RC3H1: variants seen among roughly 807,000 people sequenced by gnomAD.
RC3H1 encodes ring finger and CCCH-type domains 1, also known as roquin-1.
A neutral mutation model predicts 138.2 loss-of-function variants in RC3H1; 50 were observed. The ratio of observed to expected loss-of-function variants is 0.36; its 90% CI spans 0.29 to 0.46. The LOEUF (loss-of-function observed/expected upper bound fraction) is 0.46, where lower values mean the gene tolerates loss of function less well. Ranked by LOEUF, RC3H1 falls within the 20% of genes least tolerant of loss-of-function variation. The probability of loss-of-function intolerance (pLI) is 1.00; values close to 1 mark genes in which losing one functional copy is unlikely to be tolerated. For synonymous variants in RC3H1, 462 were observed against 489.1 expected, an observed-to-expected ratio of 0.94 and a Z score of 0.73; for missense variants, 1,031 against 1,388.1, an observed-to-expected ratio of 0.74 and a Z score of 4.09.
At chr1:173,970,479 C>T (rs1263641146) in intron 9 of RC3H1, 26 bp downstream of exon 9, 23 of 1,477,972 alleles carry the variant, frequency 1.6e-5, no homozygotes, top group Non-Finnish European at 2.2e-5. Flanking sequence ...CACCTTATTC[C>T]AAAGTCTCCT....
chr1:173,993,107 T>TA lies in RC3H1; in HGVS notation c.-123dup. 1.4e-6 allele frequency: 1 copy of TA among 690,486 alleles called. No individual in the cohort carries two copies. The highest frequency in any genetic ancestry group is 2.5e-6 in the Non-Finnish European group (1 of 406,428). 42.8% of individuals were successfully genotyped at this position (690,486 alleles called of 1,614,324 possible). ...TTTTTTTTTAAATATCTTCTGTAGATACAGTCAGCACATAGTGTGAAATAT... is the reference window on the plus strand; with the variant it reads ...TTTTTTTTTAAATATCTTCTGTAGATAACAGTCAGCACATAGTGTGAAATAT... On this transcript the variant is annotated 5_prime_UTR_variant, in exon 2 of 20. Coordinates refer to ENST00000367696, the MANE Select transcript of RC3H1 (RefSeq NM_172071.4).
chr1:173,936,746 TA>T lies in RC3H1; in HGVS notation c.*1974del, dbSNP rs1557913431. The T allele has an allele frequency of 2.5e-4, 12 of 48,796 alleles. No individual in the cohort carries two copies. Among genetic ancestry groups the T allele is most frequent in the African/African-American group, 5.2e-4 (2 of 3,830 alleles). The allele number at this position is 48,796 out of a possible 1,614,324, so 3.0% of individuals were successfully genotyped here. On this transcript the variant is annotated 3_prime_UTR_variant, in exon 20 of 20. Coordinates refer to ENST00000367696, the MANE Select transcript of RC3H1 (RefSeq NM_172071.4). ...AAAAGCATACATATATATATATATA[TA>T]TATATATATATATATTTTTTTTTTT... is the stretch of plus-strand genomic sequence containing the variant.
intron 1 of RC3H1, among the ~76,000 whole-genome samples, chr1:174,021,426 C>G (rs1467607119): frequency 6.6e-6 from 1 of 151,904 alleles, no homozygotes; most frequent in Non-Finnish European, 1.5e-5. Flanking sequence ...GAGGCGCATC[C>G]CTTACCACTC....
chr1:173,946,861 T>C (rs1235269418), intron 15 of RC3H1, 25 bp from the exon 16 acceptor site: 1 of 1,433,286 alleles, frequency 7.0e-7, no homozygotes, highest in Non-Finnish European at 9.8e-7. Context: ...TTTATTATGG[T>C]ATAATTCACA....
chr1:173,996,199 A>G (rs1226842059), intron 1 of RC3H1, among the ~76,000 whole-genome samples: 1 of 152,172 alleles, frequency 6.6e-6, no homozygotes, highest in Non-Finnish European at 1.5e-5. Context: ...GGTTGCAGTG[A>G]GCCGAAATCA....
chr1:173,946,079 GA>G (rs34107312), intron 17 of RC3H1, among the ~76,000 whole-genome samples: 1 of 151,940 alleles, frequency 6.6e-6, no homozygotes, highest in Admixed American at 6.6e-5. Flanking sequence ...TGAGGCAGGA[GA>G]ATTGCATGAA....
intron 2 of RC3H1, among the ~76,000 whole-genome samples, 176 bp downstream of exon 2, chr1:173,992,579 C>T (rs1661333778): frequency 6.6e-6 from 1 of 152,010 alleles, no homozygotes. Context: ...AAAGGATTTA[C>T]AGTACCAAAC....
chr1:173,961,203 A>G lies in RC3H1; in HGVS notation c.2244T>C (p.His748=). 6.2e-7 allele frequency: 1 copy of G among 1,614,114 alleles called. No homozygotes were observed. ...YSRLPPPPQP[H]PSLDELHRRR... Reference sequence around the variant, plus strand: ...GGCGATGTAGTTCATCTAGACTAGGATGAGGCTGGGGAGGAGGAGGAAGCC... The same window carrying G: ...GGCGATGTAGTTCATCTAGACTAGGGTGAGGCTGGGGAGGAGGAGGAAGCC... Residue 748 remains histidine, a synonymous_variant, in exon 13 of 20, where the codon CAT becomes CAC. Coordinates refer to ENST00000367696, the MANE Select transcript of RC3H1 (RefSeq NM_172071.4).
chr1:173,997,222 T>C, intron 1 of RC3H1, among the ~76,000 whole-genome samples: 1 of 152,092 alleles, frequency 6.6e-6, no homozygotes, highest in Non-Finnish European at 1.5e-5. Context: ...GAGACCTGTC[T>C]AAAACAAAAC....
In RC3H1 at chr1:173,961,563, T is replaced by A. The variant is rs530487127; in HGVS notation, c.2202+162A>T. On this transcript the variant is annotated intron_variant, in intron 12 of 19. Coordinates refer to ENST00000367696, the MANE Select transcript of RC3H1 (RefSeq NM_172071.4). ...CAGATTTTTTTCTCATTATATAGTT[T>A]AAAAAAAAAAAATACCCAAATTATG... Among the ~76,000 whole-genome samples the A allele has an allele frequency of 5.2e-3, 749 of 143,610 alleles. 12 individuals carry two copies. The highest frequency in any genetic ancestry group is 0.018 in the African/African-American group (716 of 40,000). The allele number at this position is 143,610 out of a possible 152,430, so 94.2% of individuals were successfully genotyped here.
At position 173,984,574 on chromosome 1, in the gene RC3H1, T is replaced by G. The variant is rs763389695; in HGVS notation, c.277A>C (p.Thr93Pro). Residue 93 changes from threonine to proline, a missense_variant, in exon 3 of 20, where the codon ACA (threonine) becomes CCA (proline). Around this residue, in one of 7 missense-constraint regions of RC3H1, gnomAD observed 80 missense variants for 81.1 expected, o/e 0.99. Transcript: ENST00000367696. ...PITLCSGVED[T>P]KHYEEAKKCV... ...TTCTTGGCTTCCTCATAATGCTTTG[T>G]GTCTTCAACCCCACTACACAAAGTA... The G allele has an allele frequency of 6.2e-7, 1 of 1,614,094 alleles. No individual in the cohort carries two copies. Among genetic ancestry groups the G allele is most frequent in the Non-Finnish European group, 8.5e-7 (1 of 1,179,954 alleles).
chr1:173,957,556 C>T (rs1659700084), intron 13 of RC3H1, among the ~76,000 whole-genome samples: 3 of 151,884 alleles, frequency 2.0e-5, no homozygotes, highest in Non-Finnish European at 4.4e-5. Context: ...TTTTCTTCCC[C>T]CCCTCTAATT....
chr1:173,994,632 C>T (rs1661417303), intron 1 of RC3H1, among the ~76,000 whole-genome samples: 1 of 150,164 alleles, frequency 6.7e-6, no homozygotes, highest in Non-Finnish European at 1.5e-5. Context: ...GACCCTGTCT[C>T]TACAAAAATT....
rs1658520653 is a variant in RC3H1, at chr1:173,934,974, G to C, written c.*3747C>G. ...AGAAATACATGGGAAAGAATAGAAG[G>C]GAAGGGAAATAAGATGGGAGAAAGG... On this transcript the variant is annotated 3_prime_UTR_variant, in exon 20 of 20. Transcript: ENST00000367696. 1 of 152,014 alleles carries C rather than the reference G, an allele frequency of 6.6e-6. No individual in the cohort carries two copies. The highest frequency in any genetic ancestry group is 1.5e-5 in the Non-Finnish European group (1 of 68,002). The allele number at this position is 152,014 out of a possible 1,614,324, so 9.4% of individuals were successfully genotyped here. A position where few individuals can be genotyped will look rare whatever the true frequency, so the allele number is the denominator to read the frequency against.
At chr1:173,987,871 C>G (rs1661096082) in intron 2 of RC3H1, among the ~76,000 whole-genome samples, 1 of 152,178 alleles carries the variant, frequency 6.6e-6, no homozygotes. Context: ...ATGAATCACT[C>G]TAACCTCTTC....
rs1193603319 is a variant in RC3H1, at chr1:174,022,117, T to C, written c.-172A>G. 2 of 396,924 alleles carry C rather than the reference T, an allele frequency of 5.0e-6. No individual in the cohort carries two copies. Among genetic ancestry groups the C allele is most frequent in the Non-Finnish European group, 8.9e-6 (2 of 225,710 alleles). 24.6% of individuals were successfully genotyped at this position (396,924 alleles called of 1,614,324 possible). ...TCACCGCGCTGGTCCGAGCAGCAGCTCCTCTCAGCTCCGAGTCCCCGCGGC... is the reference window on the plus strand; with the variant it reads ...TCACCGCGCTGGTCCGAGCAGCAGCCCCTCTCAGCTCCGAGTCCCCGCGGC... On this transcript the variant is annotated 5_prime_UTR_variant, in exon 1 of 20. Transcript: ENST00000367696. The surrounding 1 kb of genome is among the most constrained non-coding windows in gnomAD (Gnocchi z 4.2).
chr1:173,941,956 A>AT (rs1658887017), intron 18 of RC3H1, among the ~76,000 whole-genome samples: 1 of 145,032 alleles, frequency 6.9e-6, no homozygotes, highest in Non-Finnish European at 1.5e-5. Flanking sequence ...AAAAAAAAAA[A>AT]GGCTAGGCAT....
At chr1:173,975,496 C>T (rs2102985583) in intron 7 of RC3H1, among the ~76,000 whole-genome samples, 1 of 151,578 alleles carries the variant, frequency 6.6e-6, no homozygotes, top group African/African-American at 2.4e-5. Flanking sequence ...CTTTATGTGC[C>T]AACAAAGAAA....
At chr1:173,993,171 TTTC>T (rs756339255) in intron 1 of RC3H1, 36 bp from the exon 2 acceptor site, 4 of 575,372 alleles carry the variant, frequency 7.0e-6, no homozygotes, top group Admixed American at 3.0e-5. Flanking sequence ...ATTGAGTGTC[TTTC>T]TTTTCAATTA....
Sources: gnomAD v4.1 joint callset for allele counts (sites outside exome capture counted in the v4.1 genomes callset) on GRCh38, gnomAD v4.1.1 for gene constraint, gnomAD v4.1.1 regional missense constraint, Gnocchi (gnomAD v3.1) non-coding constraint, MANE v1.5 for transcripts, NCBI Gene and HGNC (gene_info 2026-07-23, HGNC 2026-07-21) for gene names.